Variants in FILIP1 observed in about 807,000 individuals in gnomAD.
FILIP1 encodes filamin A interacting protein 1.
In FILIP1, 61 loss-of-function variants were observed where a neutral mutation model predicts 102.1. The observed-to-expected ratio is 0.60, with a 90% CI of 0.49 to 0.74. The LOEUF is 0.74. Ranked by LOEUF, FILIP1 falls within the 30% of genes least tolerant of loss-of-function variation. The pLI is 0.00. For synonymous variants in FILIP1, 491 were observed against 526.9 expected (o/e 0.93, Z 0.93); for missense variants, 1,314 against 1,441.2 (o/e 0.91, Z 1.43).
At chr6:75,292,422 C>T (rs181755451) in exon 7 of FILIP1, 34 of 152,268 alleles carry the variant, frequency 2.2e-4, no homozygotes, top group African/African-American at 7.7e-4. Flanking sequence ...CATCGATAAA[C>T]ATTTCTGTTC....
intron 2 of FILIP1, among the ~76,000 whole-genome samples, chr6:75,393,380 T>G (rs1206038019): frequency 1.3e-5 from 2 of 152,190 alleles, no homozygotes; most frequent in Non-Finnish European, 2.9e-5. Flanking sequence ...CAAATATCAT[T>G]TTCCTAAAAT....
chr6:75,366,406 A>T (rs1434022162), intron 2 of FILIP1, among the ~76,000 whole-genome samples: 1 of 152,226 alleles, frequency 6.6e-6, no homozygotes, highest in East Asian at 1.9e-4. Context: ...TATGAATTTT[A>T]ATTAAAATAT....
intron 4 of FILIP1, among the ~76,000 whole-genome samples, chr6:75,340,679 T>A (rs572803448): frequency 6.6e-6 from 1 of 152,068 alleles, no homozygotes; most frequent in South Asian, 2.1e-4. Flanking sequence ...AATTTGACTA[T>A]TTTTGCTTAT....
At chr6:75,433,929 C>A (rs1777920513) in intron 1 of FILIP1, among the ~76,000 whole-genome samples, 1 of 152,138 alleles carries the variant, frequency 6.6e-6, no homozygotes, top group Admixed American at 6.5e-5. Context: ...TTCCCAGCAC[C>A]ATTTATTAAA....
rs148971089 is a variant in FILIP1, at chr6:75,483,886, G to A, written c.-7+9528C>T. Reference sequence around the variant, plus strand: ...CTTGCCACCTGCTTGCTGGGGGCTGGGGGGAGATGAACAATTCCCTCAGCC... The same window carrying A: ...CTTGCCACCTGCTTGCTGGGGGCTGAGGGGAGATGAACAATTCCCTCAGCC... On this transcript the variant is annotated intron_variant, in intron 1 of 5. Transcript: ENST00000237172. Among the ~76,000 whole-genome samples the A allele has an allele frequency of 1.1e-3, 174 of 152,230 alleles. 1 individual carries two copies. The East Asian group carries it at 0.032, about 28-fold the overall frequency.
intron 2 of FILIP1, among the ~76,000 whole-genome samples, chr6:75,375,287 TCTATAG>T (rs1272617613): frequency 6.6e-6 from 1 of 152,190 alleles, no homozygotes; most frequent in African/African-American, 2.4e-5. Context: ...AGTAGCCCTG[TCTATAG>T]CTTACATCAT....
At chr6:75,348,701 GC>G (rs995058333) in intron 4 of FILIP1, among the ~76,000 whole-genome samples, 2 of 152,130 alleles carry the variant, frequency 1.3e-5, no homozygotes, top group Admixed American at 6.5e-5. Context: ...TTTATTAAGC[GC>G]CCCCATAAAC....
chr6:75,362,928 A>G lies in FILIP1; in HGVS notation c.277-11T>C. On this transcript the variant is annotated splice_polypyrimidine_tract_variant and intron_variant, in intron 2 of 5. Coordinates refer to ENST00000237172, the MANE Select transcript of FILIP1 (RefSeq NM_015687.5). ...CACATCTTCTCTGGCCTGTAATAGA[A>G]AGTGCAGCAAGATCAGACGACTGAC... The G allele has an allele frequency of 6.2e-7, 1 of 1,611,722 alleles. No homozygotes were observed. The highest frequency in any genetic ancestry group is 8.5e-7 in the Non-Finnish European group (1 of 1,178,732).
At chr6:75,435,124 CA>C (rs200857435) in intron 1 of FILIP1, among the ~76,000 whole-genome samples, 2,140 of 152,264 alleles carry the variant, frequency 0.014, 46 homozygotes, top group African/African-American at 0.049. Flanking sequence ...CTCTGTTCAT[CA>C]GGGATATTGG....
intron 1 of FILIP1, among the ~76,000 whole-genome samples, chr6:75,447,896 A>C (rs1325550287): frequency 1.3e-5 from 2 of 152,138 alleles, no homozygotes; most frequent in Non-Finnish European, 2.9e-5. Flanking sequence ...GAGCCCTTGA[A>C]GAAATCAAAC....
intron 1 of FILIP1, among the ~76,000 whole-genome samples, chr6:75,420,043 G>A (rs1018786912): frequency 6.6e-6 from 1 of 151,970 alleles, no homozygotes; most frequent in Non-Finnish European, 1.5e-5. Flanking sequence ...TATCCTATTA[G>A]GGTAGATCTA....
chr6:75,296,558 G>T (rs922996389), intron 6 of FILIP1: 1 of 149,332 alleles, frequency 6.7e-6, no homozygotes, highest in Non-Finnish European at 1.5e-5. Flanking sequence ...GGGGTGGAGT[G>T]ACGCGATCTC....
At chr6:75,299,128 C>A (rs116463033) in intron 6 of FILIP1, among the ~76,000 whole-genome samples, 1 of 151,448 alleles carries the variant, frequency 6.6e-6, no homozygotes, top group Non-Finnish European at 1.5e-5. Context: ...GTATATAGTA[C>A]AATAAAATAA....
intron 2 of FILIP1, among the ~76,000 whole-genome samples, chr6:75,374,104 T>C (rs1355608743): frequency 6.6e-6 from 1 of 152,222 alleles, no homozygotes; most frequent in African/African-American, 2.4e-5. Flanking sequence ...TTTGAATGCA[T>C]TTTTATTACG....
At chr6:75,439,571 T>C (rs1225578664) in intron 1 of FILIP1, among the ~76,000 whole-genome samples, 1 of 152,234 alleles carries the variant, frequency 6.6e-6, no homozygotes, top group East Asian at 1.9e-4. Flanking sequence ...AGTCACTCCT[T>C]GAGATGAATC....
intron 1 of FILIP1, among the ~76,000 whole-genome samples, chr6:75,466,377 T>C (rs1270887835): frequency 1.3e-5 from 2 of 152,200 alleles, no homozygotes; most frequent in East Asian, 3.8e-4. Context: ...TGGCAAGTGG[T>C]AGGCATTTGA....
At chr6:75,390,716 T>A (rs894711595) in intron 2 of FILIP1, among the ~76,000 whole-genome samples, 7 of 152,152 alleles carry the variant, frequency 4.6e-5, no homozygotes, top group Non-Finnish European at 8.8e-5. Flanking sequence ...CACTGGGGAT[T>A]ACATTTCAAC....
At position 75,312,839 on chromosome 6, in the gene FILIP1, G is replaced by A; in HGVS notation, c.2993C>T (p.Ala998Val). 6.2e-7 allele frequency: 1 copy of A among 1,614,182 alleles called. No homozygotes were observed. The change falls in exon 5 of 6, where the codon GCA (alanine) becomes GTA (valine). Residue 998 changes from alanine to valine, a missense_variant. Around this residue, in one of 3 missense-constraint regions of FILIP1, gnomAD observed 816 missense variants for 913.1 expected, o/e 0.89. Coordinates refer to ENST00000237172, the MANE Select transcript of FILIP1 (RefSeq NM_015687.5). ...AGGGGATGTGGGCCTGTCTGCAAAT[G>A]CGCCTCTTCCACTTTCTGGAGTCTT... ...REKTPESGRG[A>V]FADRPTSPIQ...
intron 1 of FILIP1, among the ~76,000 whole-genome samples, chr6:75,418,160 T>C (rs925290951): frequency 3.9e-5 from 6 of 152,216 alleles, no homozygotes; most frequent in African/African-American, 1.4e-4. Flanking sequence ...ATTGTGCCAC[T>C]GCACTCCAGC....
Sources: gnomAD v4.1 joint callset for allele counts (sites outside exome capture counted in the v4.1 genomes callset) on GRCh38, gnomAD v4.1.1 for gene constraint, gnomAD v4.1.1 regional missense constraint, MANE v1.5 for transcripts, NCBI Gene and HGNC (gene_info 2026-07-23, HGNC 2026-07-21) for gene names.